Variants in ARHGAP10 observed in about 807,000 individuals in gnomAD.
ARHGAP10 encodes the protein Rho GTPase activating protein 10.
In ARHGAP10, 87 loss-of-function variants were observed where a neutral mutation model predicts 108.6. That is an observed-to-expected ratio of 0.80 (90% CI 0.67 to 0.96). The LOEUF is 0.96. Among genes scored for constraint, ARHGAP10 ranks in the 40% least tolerant of loss-of-function variants. The pLI is 0.00. For synonymous variants in ARHGAP10, 347 were observed against 341.1 expected (o/e 1.02, Z -0.19); for missense variants, 939 against 954.5 (o/e 0.98, Z 0.21).
chr4:148,001,180 C>T (rs1409962492), intron 18 of ARHGAP10, among the ~76,000 whole-genome samples: 1 of 152,108 alleles, frequency 6.6e-6, no homozygotes, highest in Non-Finnish European at 1.5e-5. Flanking sequence ...GAATCCTTTC[C>T]CCATTTCCTA....
chr4:147,962,673 C>T (rs1466403137), intron 16 of ARHGAP10, among the ~76,000 whole-genome samples: 2 of 152,062 alleles, frequency 1.3e-5, no homozygotes, highest in African/African-American at 2.4e-5. Flanking sequence ...ACCTACCTCA[C>T]TCCCTTTATT....
chr4:147,809,522 T>C (rs1731925940), intron 1 of ARHGAP10, among the ~76,000 whole-genome samples: 1 of 152,220 alleles, frequency 6.6e-6, no homozygotes, highest in African/African-American at 2.4e-5. Flanking sequence ...TTCTAGGTTG[T>C]TGATGAAGAA....
At chr4:147,825,300 A>G (rs1220227485) in intron 3 of ARHGAP10, among the ~76,000 whole-genome samples, 4 of 152,080 alleles carry the variant, frequency 2.6e-5, no homozygotes, top group Non-Finnish European at 5.9e-5. Flanking sequence ...AAATACAAAA[A>G]TTAGCTGGGT....
chr4:147,947,735 T>C (rs746534552), intron 15 of ARHGAP10, among the ~76,000 whole-genome samples: 9 of 152,086 alleles, frequency 5.9e-5, no homozygotes, highest in Non-Finnish European at 1.2e-4. Context: ...ATACATAGGG[T>C]TGTTTTTCAG....
intron 18 of ARHGAP10, among the ~76,000 whole-genome samples, chr4:147,972,526 A>G (rs1171996979): frequency 1.3e-5 from 2 of 152,164 alleles, no homozygotes; most frequent in Non-Finnish European, 2.9e-5. Flanking sequence ...TTTGCTTTTC[A>G]TCACTAGGAG....
chr4:148,043,643 A>ATATATATATATATATATG (rs1728737356), intron 19 of ARHGAP10, among the ~76,000 whole-genome samples: 1 of 105,514 alleles, frequency 9.5e-6, no homozygotes, highest in Non-Finnish European at 1.9e-5. Context: ...ATATATATAT[A>ATATATATATATATATATG]TATATATATT....
At chr4:147,945,726 G>T (rs897218731) in intron 14 of ARHGAP10, among the ~76,000 whole-genome samples, 7 of 152,124 alleles carry the variant, frequency 4.6e-5, no homozygotes, top group Admixed American at 3.3e-4. Flanking sequence ...GCCACCCTCG[G>T]TTTTCTGTGT....
chr4:148,069,853 G>T (rs1730085612), intron 22 of ARHGAP10, among the ~76,000 whole-genome samples: 1 of 152,190 alleles, frequency 6.6e-6, no homozygotes, highest in African/African-American at 2.4e-5. Flanking sequence ...GGCCTGTTTT[G>T]CATAGAATCC....
chr4:147,933,191 G>A (rs996371708), intron 13 of ARHGAP10, among the ~76,000 whole-genome samples: 1 of 152,094 alleles, frequency 6.6e-6, no homozygotes, highest in Non-Finnish European at 1.5e-5. Flanking sequence ...GTTAGGTGAG[G>A]CCATATTTCC....
chr4:147,960,668 G>A (rs558165393), intron 16 of ARHGAP10, among the ~76,000 whole-genome samples: 1 of 152,254 alleles, frequency 6.6e-6, no homozygotes, highest in African/African-American at 2.4e-5. Context: ...ACAGCTTAAT[G>A]AATTTTCACA....
chr4:147,934,849 A>G (rs1464702669), intron 13 of ARHGAP10, among the ~76,000 whole-genome samples: 1 of 152,228 alleles, frequency 6.6e-6, no homozygotes, highest in African/African-American at 2.4e-5. Context: ...AAAAAATTTT[A>G]AATGTAATCA....
intron 1 of ARHGAP10, among the ~76,000 whole-genome samples, chr4:147,761,579 G>A (rs1013544789): frequency 2.0e-5 from 3 of 152,168 alleles, no homozygotes; most frequent in African/African-American, 7.2e-5. Flanking sequence ...ACAGGTGAAG[G>A]AGCAGTCTTT....
At chr4:147,842,288 C>G (rs185746879) in intron 3 of ARHGAP10, among the ~76,000 whole-genome samples, 14 of 152,158 alleles carry the variant, frequency 9.2e-5, no homozygotes, top group Non-Finnish European at 1.8e-4. Flanking sequence ...GGGGCTCAGA[C>G]GGATATTGCA....
chr4:147,734,025 G>A (rs551575874), intron 1 of ARHGAP10, among the ~76,000 whole-genome samples: 2 of 152,254 alleles, frequency 1.3e-5, no homozygotes, highest in Non-Finnish European at 2.9e-5. Context: ...CTATACATAT[G>A]GAGGAGTGAG....
chr4:147,767,367 CTTTTTT>C (rs35679243), intron 1 of ARHGAP10, among the ~76,000 whole-genome samples: 7 of 147,978 alleles, frequency 4.7e-5, no homozygotes, highest in African/African-American at 1.8e-4. Flanking sequence ...CAGAATTTAT[CTTTTTT>C]TTTTTTTAAT....
At chr4:147,801,696 G>T (rs1418702475) in intron 1 of ARHGAP10, among the ~76,000 whole-genome samples, 2 of 152,176 alleles carry the variant, frequency 1.3e-5, no homozygotes, top group Non-Finnish European at 2.9e-5. Flanking sequence ...AATGAAGGTT[G>T]GTGGCACCAC....
chr4:147,941,738 A>T (rs1048805286), intron 14 of ARHGAP10, among the ~76,000 whole-genome samples: 1 of 152,236 alleles, frequency 6.6e-6, no homozygotes, highest in Non-Finnish European at 1.5e-5. Flanking sequence ...TAAGATTATC[A>T]GTCAAAAACT....
intron 16 of ARHGAP10, among the ~76,000 whole-genome samples, chr4:147,961,247 G>A (rs1738979170): frequency 6.6e-6 from 1 of 152,168 alleles, no homozygotes; most frequent in South Asian, 2.1e-4. Context: ...ATTCTGGCAG[G>A]TGAGTATTAC....
Position 147,790,045 on chromosome 4 carries a change from A to G in ARHGAP10, c.155-32682A>G, listed in dbSNP as rs113401081. ...TCCTAGTCTCTTAGCTCAGGCTGCC[A>G]TAACAAAATACCACAGACTGGGTGG... is the stretch of plus-strand genomic sequence containing the variant. On this transcript the variant is annotated intron_variant, in intron 1 of 22. Transcript: ENST00000336498. 8.5e-3 allele frequency among the ~76,000 whole-genome samples: 1,220 copies of G among 143,188 alleles called. 19 individuals carry two copies. Among genetic ancestry groups the G allele is most frequent in the East Asian group, 0.036 (176 of 4,930 alleles). The allele number at this position is 143,188 out of a possible 152,430, so 93.9% of individuals were successfully genotyped here. A position where few individuals can be genotyped will look rare whatever the true frequency, so the allele number is the denominator to read the frequency against.
Sources: allele counts gnomAD v4.1 joint callset (sites outside exome capture counted in the v4.1 genomes callset), GRCh38; gene constraint gnomAD v4.1.1; transcripts MANE v1.5; gene names NCBI Gene and HGNC (gene_info 2026-07-23, HGNC 2026-07-21).